The following CCT2 variants were observed in gnomAD, a reference collection of about 807,000 sequenced individuals.
CCT2 encodes the protein T-complex protein 1 subunit beta.
CCT2 carries 18 observed loss-of-function variants against 61.8 expected under a neutral mutation model. The ratio of observed to expected loss-of-function variants is 0.29; its 90% CI spans 0.20 to 0.43. The LOEUF (loss-of-function observed/expected upper bound fraction) is 0.43, where lower values mean the gene tolerates loss of function less well. CCT2 is among the 20% of genes least tolerant of loss of function. The probability of loss-of-function intolerance (pLI) is 1.00; values close to 1 mark genes in which losing one functional copy is unlikely to be tolerated. For missense variants in CCT2, 556 were observed against 656.9 expected, an observed-to-expected ratio of 0.85 and a Z score of 1.68; for synonymous variants, 248 against 215.9, an observed-to-expected ratio of 1.15 and a Z score of -1.30.
chr12:69,590,162 C>T (rs1881791079), intron 7 of CCT2, among the ~76,000 whole-genome samples: 2 of 152,114 alleles, frequency 1.3e-5, no homozygotes, highest in Admixed American at 6.5e-5. Context: ...TGCACATGTG[C>T]AACCGAACGT....
intron 7 of CCT2, among the ~76,000 whole-genome samples, chr12:69,591,535 TATA>T (rs3884028): frequency 0.59 from 89,442 of 151,674 alleles, 27,763 homozygotes; most frequent in African/African-American, 0.79. Context: ...CTAATAAAAA[TATA>T]GGACTTAACC....
Position 69,588,187 on chromosome 12 carries a change from A to T in CCT2, c.371A>T (p.Gln124Leu). 6.2e-7 allele frequency: 1 copy of T among 1,614,150 alleles called. No homozygotes were observed. The highest frequency in any genetic ancestry group is 8.5e-7 in the Non-Finnish European group (1 of 1,179,978). Residue 124 changes from glutamine to leucine, a missense_variant, in exon 6 of 16, where the codon CAG becomes CTG. Gln to Leu is a moderately radical substitution (Grantham distance 113). Coordinates refer to ENST00000299300, the MANE Select transcript of CCT2 (RefSeq NM_006431.3). ...TTAATTGCAAAAAAGATTCATCCACAGACCATCATAGCGGGTTGGAGAGAA... is the reference window on the plus strand; with the variant it reads ...TTAATTGCAAAAAAGATTCATCCACTGACCATCATAGCGGGTTGGAGAGAA... ...ESLIAKKIHP[Q>L]TIIAGWREAT...
intron 14 of CCT2, among the ~76,000 whole-genome samples, chr12:69,599,353 A>G (rs1016412165): frequency 6.6e-6 from 1 of 152,142 alleles, no homozygotes; most frequent in Non-Finnish European, 1.5e-5. Context: ...TGCTAGGATT[A>G]TAGGTGTGAG....
intron 2 of CCT2, 83 bp from the exon 3 acceptor site, chr12:69,586,667 CAAA>C (rs371280517): frequency 1.0e-3 from 811 of 806,134 alleles, no homozygotes; most frequent in South Asian, 1.7e-3. Flanking sequence ...CACTCTGCCT[CAAA>C]AAAAAAAAAA....
At chr12:69,585,600 T>A (rs1479550955) in intron 1 of CCT2, 76 bp downstream of exon 1, 2 of 1,550,534 alleles carry the variant, frequency 1.3e-6, no homozygotes, top group Non-Finnish European at 1.7e-6. Flanking sequence ...TCCTCTGTCC[T>A]GCTAGGGTCG....
chr12:69,597,133 C>T (rs367864247), intron 10 of CCT2, 23 bp from the exon 11 acceptor site: 37 of 1,609,116 alleles, frequency 2.3e-5, no homozygotes, highest in Non-Finnish European at 3.1e-5. Context: ...GTGCATTTAA[C>T]TAATACATGT....
At position 69,586,241 on chromosome 12, in the gene CCT2, A is replaced by G. The variant is rs1385575963; in HGVS notation, c.4-29A>G. On this transcript the variant is annotated intron_variant, in intron 1 of 15. Coordinates refer to ENST00000299300, the MANE Select transcript of CCT2 (RefSeq NM_006431.3). Reference sequence around the variant, plus strand: ...TATGTGTTAGAGTATTGGTACTTAAACGGAATGCCTCTTGGTTTTCCTTTT... The same window carrying G: ...TATGTGTTAGAGTATTGGTACTTAAGCGGAATGCCTCTTGGTTTTCCTTTT... 7 of 1,553,264 alleles carry G rather than the reference A, an allele frequency of 4.5e-6. No individual in the cohort carries two copies. In the African/African-American group the frequency reaches 9.5e-5, roughly 21 times the overall value.
rs1320956370 is a variant in CCT2 at position 69,599,759 on chromosome 12, G to C, written c.1436-104G>C. 6.7e-6 allele frequency: 6 copies of C among 889,226 alleles called. No individual in the cohort carries two copies. In the African/African-American group the frequency reaches 1.0e-4, roughly 15 times the overall value. The allele number at this position is 889,226 out of a possible 1,614,324, so 55.1% of individuals were successfully genotyped here. A position where few individuals can be genotyped will look rare whatever the true frequency, so the allele number is the denominator to read the frequency against. On this transcript the variant is annotated intron_variant, in intron 14 of 15. Transcript: ENST00000299300. The stretch of plus-strand genomic sequence containing the variant: ...TCTACCTACTGAGTAAAGTAGTTGG[G>C]TGTCCTAATTTTATTAATAGGATTA...
At chr12:69,592,015 G>T in intron 7 of CCT2, 44 bp from the exon 8 acceptor site, 2 of 1,075,672 alleles carry the variant, frequency 1.9e-6, no homozygotes, top group South Asian at 2.6e-5. Context: ...TACTAAGGCT[G>T]CTTTGAAGTA....
intron 9 of CCT2, 76 bp from the exon 10 acceptor site, chr12:69,593,434 T>G: frequency 1.1e-6 from 1 of 932,044 alleles, no homozygotes; most frequent in Non-Finnish European, 1.7e-6. Flanking sequence ...GTAAAAATGT[T>G]TACATGTTTT....
intron 10 of CCT2, among the ~76,000 whole-genome samples, chr12:69,595,533 A>C (rs710771): frequency 0.79 from 119,482 of 151,778 alleles, 48,055 homozygotes; most frequent in African/African-American, 0.94. Context: ...ACTAAAAATA[A>C]AAAAATTAGC....
intron 10 of CCT2, among the ~76,000 whole-genome samples, chr12:69,596,846 C>T (rs902773208): frequency 1.3e-5 from 2 of 152,194 alleles, no homozygotes; most frequent in South Asian, 2.1e-4. Context: ...TGAAGCCAGA[C>T]TGCTTGAGTT....
intron 9 of CCT2, 111 bp downstream of exon 9, chr12:69,593,214 C>A (rs994011581): frequency 5.3e-6 from 5 of 946,220 alleles, no homozygotes; most frequent in Non-Finnish European, 7.7e-6. Flanking sequence ...TAGATAACTT[C>A]ACTTAAATTA....
At chr12:69,593,713 A>C in intron 10 of CCT2, 100 bp downstream of exon 10, 1 of 676,526 alleles carries the variant, frequency 1.5e-6, no homozygotes, top group Non-Finnish European at 2.6e-6. Flanking sequence ...TTAGAATTTC[A>C]GCAGTTATTC....
In CCT2 at chr12:69,597,996, T is replaced by C; in HGVS notation, c.1260T>C (p.Ala420=). The part of the protein sequence containing the change: ...GGCSEMLMAH[A]VTQLANRTPG... ...GTTCTGAGATGTTGATGGCTCATGC[T>C]GTGACACAGCTTGCCAATAGAACAC... is the stretch of plus-strand genomic sequence containing the variant. The change falls in exon 13 of 16, where the codon GCT becomes GCC. Residue 420 remains alanine (A), a synonymous_variant. Transcript: ENST00000299300. 6.2e-7 allele frequency: 1 copy of C among 1,614,024 alleles called. No homozygotes were observed. Among genetic ancestry groups the C allele is most frequent in the Non-Finnish European group, 8.5e-7 (1 of 1,179,886 alleles).
Position 69,586,308 on chromosome 12 carries a change from A to C in CCT2, c.42A>C (p.Ala14=). Residue 14 remains alanine, a synonymous_variant, in exon 2 of 16, where the codon GCA becomes GCC. Transcript: ENST00000299300. ...TTGCACCTGTTAACATCTTTAAGGC[A>C]GGAGCTGATGAAGAGAGAGCAGAGA... ...LSLAPVNIFK[A]GADEERAETA... is the part of the protein sequence containing the mutation. The C allele has an allele frequency of 6.2e-7, 1 of 1,613,800 alleles. No individual in the cohort carries two copies. Among genetic ancestry groups the C allele is most frequent in the Non-Finnish European group, 8.5e-7 (1 of 1,179,684 alleles).
chr12:69,597,090 T>A (rs1882013999), intron 10 of CCT2, 66 bp from the exon 11 acceptor site: 1 of 1,488,428 alleles, frequency 6.7e-7, no homozygotes, highest in Non-Finnish European at 9.3e-7. Flanking sequence ...TATCCATTAC[T>A]GCTTATTAGA....
intron 1 of CCT2, 53 bp from the exon 2 acceptor site, chr12:69,586,217 A>G (rs914410285): frequency 4.5e-6 from 6 of 1,324,228 alleles, no homozygotes; most frequent in Non-Finnish European, 5.5e-6. Flanking sequence ...ACCTCAGTGT[A>G]TGTGTTAGAG....
chr12:69,599,523 GATT>G (rs1274115993), intron 14 of CCT2, among the ~76,000 whole-genome samples: 1 of 152,078 alleles, frequency 6.6e-6, no homozygotes, highest in Non-Finnish European at 1.5e-5. Context: ...GAGTAGCTGG[GATT>G]ACAGGTGCCC....
Sources: gnomAD v4.1 joint callset for allele counts (sites outside exome capture counted in the v4.1 genomes callset) on GRCh38, gnomAD v4.1.1 for gene constraint, MANE v1.5 for transcripts, NCBI Gene and HGNC (gene_info 2026-07-23, HGNC 2026-07-21) for gene names.